CAMK1D: variants seen among roughly 807,000 people sequenced by gnomAD.
CAMK1D encodes the protein calcium/calmodulin dependent protein kinase ID, also known as calcium/calmodulin-dependent protein kinase type 1D.
In CAMK1D, 9 loss-of-function variants were observed where a neutral mutation model predicts 47.7. The ratio of observed to expected loss-of-function variants is 0.19; its 90% CI spans 0.11 to 0.33. The LOEUF is 0.33. Ranked by LOEUF, CAMK1D falls within the 10% of genes least tolerant of loss-of-function variation. The probability of loss-of-function intolerance (pLI) is 1.00; values close to 1 mark genes in which losing one functional copy is unlikely to be tolerated. For missense variants in CAMK1D, 291 were observed against 488.7 expected (o/e 0.60, Z 3.81); for synonymous variants, 184 against 184.9 (o/e 0.99, Z 0.04).
intron 1 of CAMK1D, 140 bp downstream of exon 1, chr10:12,350,050 G>A (rs1021478321): frequency 1.8e-5 from 6 of 337,704 alleles, no homozygotes; most frequent in Non-Finnish European, 3.2e-5. Context: ...TCGGCGCTGC[G>A]GAGCCCCCCC....
In CAMK1D at chr10:12,421,173, C is replaced by G. The variant is rs897897271; in HGVS notation, c.92+71263C>G. Among the ~76,000 whole-genome samples the G allele has an allele frequency of 2.0e-5, 3 of 152,336 alleles. No individual in the cohort carries two copies. In the South Asian group the frequency reaches 6.2e-4, roughly 32 times the overall value. ...GGGTGTAAGCTTCAGGTACCTGGGC[C>G]TGGTCTCCTTCCCATGTTCACATCC... On this transcript the variant is annotated intron_variant, in intron 1 of 10. Coordinates refer to ENST00000619168, the MANE Select transcript of CAMK1D (RefSeq NM_153498.4).
chr10:12,807,952 A>G (rs1449206497), intron 6 of CAMK1D, among the ~76,000 whole-genome samples: 1 of 152,076 alleles, frequency 6.6e-6, no homozygotes, highest in Non-Finnish European at 1.5e-5. Context: ...AAGATAGACC[A>G]CCCACCTTAG....
chr10:12,594,248 A>C (rs1344156618), intron 2 of CAMK1D, among the ~76,000 whole-genome samples: 1 of 152,194 alleles, frequency 6.6e-6, no homozygotes, highest in Non-Finnish European at 1.5e-5. Context: ...GGACATGTCA[A>C]ATTCTCATTG....
intron 2 of CAMK1D, among the ~76,000 whole-genome samples, chr10:12,639,584 A>G (rs912759230): frequency 8.5e-5 from 13 of 152,102 alleles, no homozygotes; most frequent in African/African-American, 3.1e-4. Context: ...CCCCAAACCC[A>G]AGGAAGCCTC....
chr10:12,349,933 A>G, intron 1 of CAMK1D, 23 bp downstream of exon 1: 1 of 1,466,582 alleles, frequency 6.8e-7, no homozygotes, highest in Non-Finnish European at 9.2e-7. Context: ...CGGGGAGGCG[A>G]GGGTGGAGGT....
intron 6 of CAMK1D, among the ~76,000 whole-genome samples, chr10:12,799,623 C>A (rs938191176): frequency 7.2e-5 from 11 of 152,182 alleles, no homozygotes; most frequent in Admixed American, 5.9e-4. Flanking sequence ...AAATCCACCC[C>A]TCGTGAGAAC....
intron 2 of CAMK1D, among the ~76,000 whole-genome samples, chr10:12,618,903 A>G (rs535248831): frequency 1.7e-4 from 26 of 152,356 alleles, no homozygotes; most frequent in Non-Finnish European, 3.5e-4. Flanking sequence ...ACTGTTAAAG[A>G]AAAGGCAGTT....
chr10:12,517,908 A>G (rs554136602), intron 1 of CAMK1D, among the ~76,000 whole-genome samples: 2 of 152,314 alleles, frequency 1.3e-5, no homozygotes, highest in Non-Finnish European at 2.9e-5. Context: ...TTACAAAATG[A>G]GTTGCAAAGT....
intron 3 of CAMK1D, among the ~76,000 whole-genome samples, chr10:12,710,845 G>A (rs1472286562): frequency 2.0e-5 from 3 of 152,118 alleles, no homozygotes; most frequent in Admixed American, 1.3e-4. Flanking sequence ...ATGTACCTCC[G>A]AGTGTACACC....
chr10:12,667,791 G>C (rs1840480544), intron 3 of CAMK1D, among the ~76,000 whole-genome samples: 3 of 152,140 alleles, frequency 2.0e-5, no homozygotes, highest in Non-Finnish European at 1.5e-5. Flanking sequence ...TTTTCCTTAT[G>C]AATGTTTGAA....
intron 2 of CAMK1D, among the ~76,000 whole-genome samples, chr10:12,619,723 G>A (rs143923296): frequency 2.0e-4 from 30 of 151,970 alleles, no homozygotes; most frequent in African/African-American, 6.5e-4. Context: ...TCCCCAAATG[G>A]TAACATCTTA....
At position 12,473,669 on chromosome 10, in the gene CAMK1D, A is replaced by G. The variant is rs1024750336; in HGVS notation, c.93-79556A>G. 1.0e-3 allele frequency among the ~76,000 whole-genome samples: 159 copies of G among 152,282 alleles called. 2 individuals carry two copies. The highest frequency in any genetic ancestry group is 0.01 in the Admixed American group (159 of 15,294). On this transcript the variant is annotated intron_variant, in intron 1 of 10. Transcript: ENST00000619168. Reference sequence around the variant, plus strand: ...CCAGCTGCAAGCCCGGGGAGTCTACACTGGTGACTAGATGGCGGAGTCGGC... The same window carrying G: ...CCAGCTGCAAGCCCGGGGAGTCTACGCTGGTGACTAGATGGCGGAGTCGGC...
At chr10:12,828,470 A>G (rs2431624) in intron 10 of CAMK1D, among the ~76,000 whole-genome samples, 128,318 of 151,848 alleles carry the variant, frequency 0.85, 54,197 homozygotes, top group East Asian at 0.95. Context: ...GTGAAACCCC[A>G]TCTCTACTAA....
intron 1 of CAMK1D, among the ~76,000 whole-genome samples, chr10:12,435,116 C>T (rs187763404): frequency 8.8e-4 from 130 of 148,034 alleles, no homozygotes; most frequent in African/African-American, 2.9e-3. Flanking sequence ...CCAGCTACTC[C>T]GGAGGCTGAG....
intron 1 of CAMK1D, among the ~76,000 whole-genome samples, chr10:12,377,593 G>T (rs1838221805): frequency 6.6e-6 from 1 of 152,112 alleles, no homozygotes; most frequent in Non-Finnish European, 1.5e-5. Flanking sequence ...GAGTTTATTA[G>T]ATCACATTTA....
chr10:12,694,088 A>T (rs189573326), intron 3 of CAMK1D, among the ~76,000 whole-genome samples: 1 of 21,780 alleles, frequency 4.6e-5, no homozygotes, highest in Non-Finnish European at 8.1e-5. Context: ...ATTATGTATA[A>T]TATATATTAT....
intron 2 of CAMK1D, among the ~76,000 whole-genome samples, chr10:12,604,974 G>C (rs2132397399): frequency 6.6e-6 from 1 of 151,200 alleles, no homozygotes; most frequent in South Asian, 2.1e-4. Context: ...TGCAACCTCT[G>C]CCTCCTGGGT....
intron 1 of CAMK1D, among the ~76,000 whole-genome samples, chr10:12,484,233 C>T (rs765295147): frequency 1.1e-4 from 16 of 152,330 alleles, no homozygotes; most frequent in Non-Finnish European, 2.1e-4. Context: ...AGCTTCCCAC[C>T]GGGCATTGCA....
intron 5 of CAMK1D, among the ~76,000 whole-genome samples, chr10:12,788,599 G>A (rs543939551): frequency 6.6e-6 from 1 of 152,334 alleles, no homozygotes; most frequent in African/African-American, 2.4e-5. Flanking sequence ...GGATGTCGTT[G>A]CTTCTCACGC....
Sources: allele counts gnomAD v4.1 joint callset (sites outside exome capture counted in the v4.1 genomes callset), GRCh38; gene constraint gnomAD v4.1.1; transcripts MANE v1.5; gene names NCBI Gene and HGNC (gene_info 2026-07-23, HGNC 2026-07-21).